Variants in COMMD10 observed in about 807,000 individuals in gnomAD.
COMMD10 encodes COMM domain-containing protein 10.
COMMD10 carries 33 observed loss-of-function variants against 28.9 expected under a neutral mutation model. The ratio of observed to expected loss-of-function variants is 1.14; its 90% confidence interval spans 0.87 to 1.53. COMMD10 has a LOEUF of 1.53. Among genes scored for constraint, COMMD10 ranks in the 40% most tolerant of loss-of-function variants. COMMD10 has a pLI of 0.00. For missense variants in COMMD10, 310 were observed against 233.4 expected, an observed-to-expected ratio of 1.33 and a Z score of -2.14; for synonymous variants, 110 against 81.7, an observed-to-expected ratio of 1.35 and a Z score of -1.87.
intron 1 of COMMD10, among the ~76,000 whole-genome samples, chr5:116,085,763 GGTAGCGT>G (rs568752392): frequency 2.5e-3 from 386 of 152,312 alleles, no homozygotes; most frequent in Non-Finnish European, 4.4e-3. Flanking sequence ...CAATAGTGCA[GGTAGCGT>G]GTGGATACAG....
At chr5:116,284,336 G>A (rs1751161136) in intron 5 of COMMD10, among the ~76,000 whole-genome samples, 2 of 121,338 alleles carry the variant, frequency 1.6e-5, no homozygotes, top group South Asian at 4.8e-4. Flanking sequence ...ATGTGTGTGT[G>A]TATGTATGTG....
At chr5:116,238,228 A>C (rs1219259794) in intron 5 of COMMD10, among the ~76,000 whole-genome samples, 1 of 152,202 alleles carries the variant, frequency 6.6e-6, no homozygotes, top group Admixed American at 6.5e-5. Flanking sequence ...CACTATAATA[A>C]AACTATCAGT....
intron 4 of COMMD10, among the ~76,000 whole-genome samples, chr5:116,132,030 T>A (rs1751878778): frequency 6.6e-6 from 1 of 151,962 alleles, no homozygotes; most frequent in South Asian, 2.1e-4. Context: ...TAAGGAGCTA[T>A]TGGAGAATTT....
At chr5:116,181,652 G>C (rs1431100585) in intron 5 of COMMD10, among the ~76,000 whole-genome samples, 1 of 151,738 alleles carries the variant, frequency 6.6e-6, no homozygotes, top group Admixed American at 6.6e-5. Context: ...GGATGCTTCT[G>C]GTCCAAGGAC....
intron 5 of COMMD10, among the ~76,000 whole-genome samples, chr5:116,265,238 C>G (rs1448695315): frequency 6.6e-6 from 1 of 151,676 alleles, no homozygotes; most frequent in African/African-American, 2.4e-5. Flanking sequence ...GCATAATATT[C>G]TGCATATTGA....
intron 5 of COMMD10, among the ~76,000 whole-genome samples, chr5:116,269,120 A>G (rs138756643): frequency 1.1e-3 from 161 of 151,936 alleles, no homozygotes; most frequent in Non-Finnish European, 1.9e-3. Context: ...AAAGATAAAA[A>G]TGCTTAAACA....
intron 4 of COMMD10, among the ~76,000 whole-genome samples, chr5:116,127,677 C>T (rs1326366643): frequency 3.9e-5 from 6 of 152,102 alleles, no homozygotes; most frequent in African/African-American, 1.4e-4. Context: ...ATCGCAAGGA[C>T]AGAAAACCAA....
intron 5 of COMMD10, among the ~76,000 whole-genome samples, chr5:116,197,231 G>A (rs10042278): frequency 0.11 from 16,130 of 152,008 alleles, 955 homozygotes; most frequent in African/African-American, 0.15. Context: ...TCCATTTGGT[G>A]GTAGTGTGCT....
chr5:116,165,607 G>T (rs1403097828), intron 5 of COMMD10, among the ~76,000 whole-genome samples: 2 of 151,484 alleles, frequency 1.3e-5, no homozygotes, highest in African/African-American at 2.4e-5. Context: ...TGTGTGTGTG[G>T]GTGTATCTGT....
intron 4 of COMMD10, among the ~76,000 whole-genome samples, chr5:116,132,092 C>T (rs909703862): frequency 6.6e-6 from 1 of 151,630 alleles, no homozygotes; most frequent in Non-Finnish European, 1.5e-5. Context: ...GCAGGTAGCC[C>T]AGTTAGAAGA....
chr5:116,140,014 T>C (rs1397499296), intron 5 of COMMD10, among the ~76,000 whole-genome samples: 2 of 151,778 alleles, frequency 1.3e-5, no homozygotes, highest in African/African-American at 4.8e-5. Context: ...ACTGCAAGTT[T>C]ATATGCTTTA....
intron 5 of COMMD10, among the ~76,000 whole-genome samples, chr5:116,218,499 C>G (rs1749161906): frequency 6.6e-6 from 1 of 152,086 alleles, no homozygotes; most frequent in South Asian, 2.1e-4. Flanking sequence ...ATAGTTTTTC[C>G]TCACACAATT....
At chr5:116,111,320 G>A (rs1751036410) in intron 4 of COMMD10, among the ~76,000 whole-genome samples, 1 of 149,912 alleles carries the variant, frequency 6.7e-6, no homozygotes, top group Admixed American at 6.7e-5. Context: ...TTTGTGTTTG[G>A]TTCGTTCTTG....
intron 5 of COMMD10, among the ~76,000 whole-genome samples, chr5:116,160,044 A>G (rs1752865059): frequency 6.6e-6 from 1 of 152,156 alleles, no homozygotes; most frequent in Non-Finnish European, 1.5e-5. Context: ...GATATGCGAG[A>G]CACTTATAAA....
rs12652891 is a variant in COMMD10 at position 116,167,013 on chromosome 5, A to G, written c.510+32835A>G. Among the ~76,000 whole-genome samples the G allele has an allele frequency of 5.5e-4, 83 of 152,240 alleles. 3 individuals carry two copies. In the East Asian group the frequency reaches 0.015, roughly 28 times the overall value. ...TGGAGAATGAGTTTGACGAATTGAC[A>G]GAAGTGGGCTTCAGAAAATGGGTTA... On this transcript the variant is annotated intron_variant, in intron 5 of 6. Transcript: ENST00000274458.
At chr5:116,189,114 G>T (rs1748255656) in intron 5 of COMMD10, among the ~76,000 whole-genome samples, 1 of 152,142 alleles carries the variant, frequency 6.6e-6, no homozygotes, top group African/African-American at 2.4e-5. Context: ...GCCAAAGTGG[G>T]GCAGATAGTT....
chr5:116,286,201 T>C (rs1408153296), intron 5 of COMMD10, among the ~76,000 whole-genome samples: 1 of 151,736 alleles, frequency 6.6e-6, no homozygotes, highest in African/African-American at 2.4e-5. Context: ...GCATCTGTTA[T>C]AATGTCCTCT....
intron 5 of COMMD10, among the ~76,000 whole-genome samples, chr5:116,203,846 A>C (rs1349600834): frequency 6.6e-6 from 1 of 152,092 alleles, no homozygotes; most frequent in Non-Finnish European, 1.5e-5. Context: ...GGAGCACAAT[A>C]ACCAGCTAAC....
At chr5:116,108,016 A>G (rs6887806) in intron 4 of COMMD10, among the ~76,000 whole-genome samples, 9,309 of 152,280 alleles carry the variant, frequency 0.061, 450 homozygotes, top group African/African-American at 0.14. Flanking sequence ...CAGAACAGCA[A>G]AGATTGCTGC....
Sources: gnomAD v4.1 joint callset for allele counts (sites outside exome capture counted in the v4.1 genomes callset) on GRCh38, gnomAD v4.1.1 for gene constraint, MANE v1.5 for transcripts, NCBI Gene and HGNC (gene_info 2026-07-23, HGNC 2026-07-21) for gene names.